PHF24: variants seen among roughly 807,000 people sequenced by gnomAD.
PHF24 encodes PHD finger protein 24.
PHF24 carries 25 observed loss-of-function variants against 42.6 expected under a neutral mutation model. That is an observed-to-expected ratio of 0.59 (90% confidence interval 0.43 to 0.82). PHF24 has a LOEUF of 0.82. Among genes scored for constraint, PHF24 ranks in the 40% least tolerant of loss-of-function variants. The pLI is 0.00. For missense variants in PHF24, 470 were observed against 538.1 expected (o/e 0.87, Z 1.25); for synonymous variants, 185 against 204.8 (o/e 0.90, Z 0.83).
chr9:34,755,096 T>C, the PHF24 span, among the ~76,000 whole-genome samples: 9 of 151,928 alleles, frequency 5.9e-5, no homozygotes, highest in Non-Finnish European at 1.2e-4. Context: ...TAGGATTGGT[T>C]AATAGGTAAA....
chr9:34,898,418 C>A, the PHF24 span, among the ~76,000 whole-genome samples: 1 of 152,108 alleles, frequency 6.6e-6, no homozygotes, highest in African/African-American at 2.4e-5. Context: ...CATCAGTGAA[C>A]GTTTTTCTTA....
chr9:34,856,149 G>A, the PHF24 span, among the ~76,000 whole-genome samples: 1 of 152,106 alleles, frequency 6.6e-6, no homozygotes, highest in South Asian at 2.1e-4. Flanking sequence ...CTCTAAGCTG[G>A]ATATTCTGGT....
exon 8 of PHF24, chr9:34,978,190 G>A: frequency 1.8e-6 from 2 of 1,123,112 alleles, no homozygotes; most frequent in East Asian, 2.4e-5. Context: ...ACCAACCTCT[G>A]GCACAGAGAC....
chr9:34,884,615 T>TA, the PHF24 span, among the ~76,000 whole-genome samples: 2 of 152,190 alleles, frequency 1.3e-5, no homozygotes, highest in Non-Finnish European at 2.9e-5. Flanking sequence ...TCTAGACTTT[T>TA]ACCCCAAGCC....
chr9:34,727,863 C>T, the PHF24 span, among the ~76,000 whole-genome samples: 11 of 152,200 alleles, frequency 7.2e-5, no homozygotes, highest in Admixed American at 5.9e-4. Context: ...ATGTGAACCC[C>T]ACTCTTCCCT....
the PHF24 span, among the ~76,000 whole-genome samples, chr9:34,880,274 A>G: frequency 1.3e-5 from 2 of 152,242 alleles, no homozygotes; most frequent in African/African-American, 4.8e-5. Context: ...CATCGATGCT[A>G]GGAAGAAACT....
At chr9:34,825,381 C>T in the PHF24 span, among the ~76,000 whole-genome samples, 1 of 152,064 alleles carries the variant, frequency 6.6e-6, no homozygotes, top group Non-Finnish European at 1.5e-5. Context: ...TATTAAAGGA[C>T]AAGCAATGGG....
At chr9:34,969,257 A>C (rs1228604927) in intron 1 of PHF24, among the ~76,000 whole-genome samples, 1 of 152,182 alleles carries the variant, frequency 6.6e-6, no homozygotes, top group Non-Finnish European at 1.5e-5. Flanking sequence ...GGACATCTTT[A>C]ATTCAACATA....
the PHF24 span, among the ~76,000 whole-genome samples, chr9:34,676,738 G>A: frequency 1.3e-5 from 2 of 152,224 alleles, no homozygotes; most frequent in Non-Finnish European, 2.9e-5. Context: ...ATTTGCTTCT[G>A]AGGAGGACTC....
the PHF24 span, among the ~76,000 whole-genome samples, chr9:34,812,729 A>G: frequency 6.6e-6 from 1 of 152,214 alleles, no homozygotes; most frequent in East Asian, 1.9e-4. Flanking sequence ...TGTGATCTCA[A>G]ATAAACCCTT....
the PHF24 span, among the ~76,000 whole-genome samples, chr9:34,715,078 C>T: frequency 6.6e-6 from 1 of 151,970 alleles, no homozygotes; most frequent in Non-Finnish European, 1.5e-5. Context: ...CTGCTTGGTG[C>T]TGGAGCTTAG....
the PHF24 span, among the ~76,000 whole-genome samples, chr9:34,738,998 G>A: frequency 6.6e-6 from 1 of 152,150 alleles, no homozygotes. Context: ...TACTGTTTCC[G>A]AGCCAGAACA....
chr9:34,911,148 C>T, the PHF24 span, among the ~76,000 whole-genome samples: 25 of 151,872 alleles, frequency 1.6e-4, no homozygotes, highest in African/African-American at 5.8e-4. Flanking sequence ...ACTAACTATT[C>T]TTGGTTTTGC....
the PHF24 span, chr9:34,723,565 C>T: frequency 2.6e-6 from 4 of 1,551,634 alleles, no homozygotes; most frequent in Non-Finnish European, 3.5e-6. Flanking sequence ...TGCCTTTTGT[C>T]TTGGGGTTAA....
the PHF24 span, among the ~76,000 whole-genome samples, chr9:34,739,716 C>T: frequency 6.6e-6 from 1 of 152,108 alleles, no homozygotes; most frequent in Non-Finnish European, 1.5e-5. Flanking sequence ...GAGTGAGCAC[C>T]AGCAAGAGTT....
At chr9:34,838,763 T>C in the PHF24 span, among the ~76,000 whole-genome samples, 2 of 152,202 alleles carry the variant, frequency 1.3e-5, no homozygotes, top group South Asian at 4.1e-4. Flanking sequence ...GTCTTCACTT[T>C]CCACTCCCTA....
At chr9:34,925,708 T>C in the PHF24 span, among the ~76,000 whole-genome samples, 1 of 152,200 alleles carries the variant, frequency 6.6e-6, no homozygotes, top group African/African-American at 2.4e-5. Context: ...TTGAATTGTC[T>C]ATCTGTATTT....
At chr9:34,700,330 G>A in the PHF24 span, among the ~76,000 whole-genome samples, 2 of 151,594 alleles carry the variant, frequency 1.3e-5, no homozygotes, top group Non-Finnish European at 2.9e-5. Context: ...GGGAGACCAG[G>A]GTGGAGGCCG....
the PHF24 span, among the ~76,000 whole-genome samples, chr9:34,675,156 C>T: frequency 6.6e-6 from 1 of 152,162 alleles, no homozygotes; most frequent in African/African-American, 2.4e-5. Flanking sequence ...CTGCGCTGGG[C>T]AGGTTTGTTT....
Sources: gnomAD v4.1 joint callset for allele counts (sites outside exome capture counted in the v4.1 genomes callset) on GRCh38, gnomAD v4.1.1 for gene constraint, MANE v1.5 for transcripts, NCBI Gene and HGNC (gene_info 2026-07-23, HGNC 2026-07-21) for gene names.